The following KCNQ3 variants were observed in gnomAD, a reference collection of about 807,000 sequenced individuals.
KCNQ3 encodes the protein potassium voltage-gated channel subfamily KQT member 3.
A neutral mutation model predicts 92.5 loss-of-function variants in KCNQ3; 30 were observed. The observed-to-expected ratio is 0.32, with a 90% CI of 0.24 to 0.44. The LOEUF is 0.44. KCNQ3 is among the 20% of genes least tolerant of loss of function. The probability of loss-of-function intolerance (pLI) is 1.00; values close to 1 mark genes in which losing one functional copy is unlikely to be tolerated. For missense variants in KCNQ3, 913 were observed against 1,140.3 expected (o/e 0.80, Z 2.87); for synonymous variants, 450 against 468.8 (o/e 0.96, Z 0.52).
chr8:132,400,989 G>GGAT (rs753319245), intron 1 of KCNQ3, among the ~76,000 whole-genome samples: 56 of 152,328 alleles, frequency 3.7e-4, no homozygotes, highest in Admixed American at 7.2e-4. Flanking sequence ...AGAGGCCACA[G>GGAT]CCAGCATTCA....
intron 1 of KCNQ3, among the ~76,000 whole-genome samples, chr8:132,274,472 A>T (rs1394234455): frequency 1.3e-5 from 2 of 152,200 alleles, no homozygotes; most frequent in Admixed American, 1.3e-4. Flanking sequence ...CAGCCAAACC[A>T]TATCAGTTTC....
intron 1 of KCNQ3, among the ~76,000 whole-genome samples, 154 bp downstream of exon 1, chr8:132,479,993 C>CACACACACA (rs1554660743): frequency 6.1e-5 from 9 of 148,538 alleles, no homozygotes; most frequent in South Asian, 2.1e-4. Flanking sequence ...CACACACACA[C>CACACACACA]CCAGGGAAAC....
At chr8:132,394,567 C>G (rs1031112828) in intron 1 of KCNQ3, among the ~76,000 whole-genome samples, 1 of 151,774 alleles carries the variant, frequency 6.6e-6, no homozygotes, top group Non-Finnish European at 1.5e-5. Context: ...CTTGAAGGAC[C>G]TGAGAGAACT....
intron 9 of KCNQ3, among the ~76,000 whole-genome samples, chr8:132,143,824 GGTT>G (rs3837190): frequency 1.3e-5 from 2 of 151,726 alleles, no homozygotes; most frequent in Non-Finnish European, 2.9e-5. Context: ...AGGTTTTTTT[GGTT>G]GTTGTTGTTT....
intron 1 of KCNQ3, among the ~76,000 whole-genome samples, chr8:132,262,386 TTA>T (rs985698976): frequency 6.6e-6 from 1 of 152,172 alleles, no homozygotes; most frequent in African/African-American, 2.4e-5. Flanking sequence ...GGTATGTGAA[TTA>T]TATCTCAATA....
At position 132,442,519 on chromosome 8, in the gene KCNQ3, G is replaced by A. The variant is rs143345469; in HGVS notation, c.386+37628C>T. 2.3e-4 allele frequency among the ~76,000 whole-genome samples: 35 copies of A among 152,272 alleles called. No individual in the cohort carries two copies. The East Asian group carries it at 5.8e-3, about 25-fold the overall frequency. On this transcript the variant is annotated intron_variant, in intron 1 of 14. Coordinates refer to ENST00000388996, the MANE Select transcript of KCNQ3 (RefSeq NM_004519.4). ...AGCACAGAGTCTGGCAACGAGTAAG[G>A]GCTAAAATGTATTTTCAGAATGCAC...
chr8:132,359,578 T>C (rs1033094439), intron 1 of KCNQ3, among the ~76,000 whole-genome samples: 11 of 152,102 alleles, frequency 7.2e-5, no homozygotes, highest in African/African-American at 2.7e-4. Flanking sequence ...ACCAATTGAA[T>C]CTGCTTACAC....
intron 1 of KCNQ3, among the ~76,000 whole-genome samples, chr8:132,361,476 C>A (rs140871648): frequency 6.6e-6 from 1 of 152,150 alleles, no homozygotes; most frequent in Non-Finnish European, 1.5e-5. Flanking sequence ...TGAGGACTTG[C>A]GGTTCATTGT....
At chr8:132,145,788 T>G (rs945791711) in intron 9 of KCNQ3, among the ~76,000 whole-genome samples, 1 of 152,180 alleles carries the variant, frequency 6.6e-6, no homozygotes, top group Non-Finnish European at 1.5e-5. Context: ...GAAGGCATCT[T>G]GAGTAAATGG....
At chr8:132,283,736 T>A (rs1463716567) in intron 1 of KCNQ3, among the ~76,000 whole-genome samples, 1 of 152,228 alleles carries the variant, frequency 6.6e-6, no homozygotes, top group East Asian at 1.9e-4. Context: ...TATACGCATG[T>A]AGAAGGTAAT....
At chr8:132,384,447 G>C (rs1229254706) in intron 1 of KCNQ3, among the ~76,000 whole-genome samples, 1 of 152,190 alleles carries the variant, frequency 6.6e-6, no homozygotes, top group Non-Finnish European at 1.5e-5. Context: ...ACAAACAGAA[G>C]TAAAGAGGTC....
rs922547418 is a variant in KCNQ3 at position 132,123,901 on chromosome 8, A to G, written c.*5361T>C. Reference sequence around the variant, plus strand: ...AGCCTGGGAACAAATCTCCCCAGGGAAGGTTTAAGCAAGCATTAACTCTTT... The same window carrying G: ...AGCCTGGGAACAAATCTCCCCAGGGGAGGTTTAAGCAAGCATTAACTCTTT... On this transcript the variant is annotated 3_prime_UTR_variant, in exon 15 of 15. Transcript: ENST00000388996. 1 of 152,200 alleles carries G rather than the reference A, an allele frequency of 6.6e-6. No individual in the cohort carries two copies. Among genetic ancestry groups the G allele is most frequent in the Non-Finnish European group, 1.5e-5 (1 of 68,040 alleles). 9.4% of individuals were successfully genotyped at this position (152,200 alleles called of 1,614,324 possible). A position where few individuals can be genotyped will look rare whatever the true frequency, so the allele number is the denominator to read the frequency against.
Position 132,303,667 on chromosome 8 carries a change from T to TGTGTGTGTGC in KCNQ3, c.387-117487_387-117486insGCACACACAC, listed in dbSNP as rs1462821316. The stretch of plus-strand genomic sequence containing the variant: ...TATATATATATTTATGGTGTGTGTG[T>TGTGTGTGTGC]ATATATATATACACACACACAGCCA... On this transcript the variant is annotated intron_variant, in intron 1 of 14. Transcript: ENST00000388996. Among the ~76,000 whole-genome samples the TGTGTGTGTGC allele has an allele frequency of 2.7e-4, 3 of 11,266 alleles. No homozygotes were observed. In the South Asian group the frequency reaches 9.5e-3, roughly 36 times the overall value. The allele number at this position is 11,266 out of a possible 152,430, so 7.4% of individuals were successfully genotyped here.
intron 1 of KCNQ3, among the ~76,000 whole-genome samples, chr8:132,310,420 A>T (rs754661573): frequency 2.6e-5 from 4 of 152,196 alleles, no homozygotes; most frequent in Non-Finnish European, 4.4e-5. Flanking sequence ...TCCAGTCTCC[A>T]CGAGGAGTGC....
rs375099145 is a variant in KCNQ3, at chr8:132,403,016, C to CAAAAAAAAAAAAAAA, written c.386+77116_386+77130dup. Among the ~76,000 whole-genome samples, 47 of 67,614 alleles carry CAAAAAAAAAAAAAAA rather than the reference C, an allele frequency of 7.0e-4. 2 individuals are homozygous for CAAAAAAAAAAAAAAA. Among genetic ancestry groups the CAAAAAAAAAAAAAAA allele is most frequent in the African/African-American group, 2.0e-3 (23 of 11,692 alleles). The allele number at this position is 67,614 out of a possible 152,430, so 44.4% of individuals were successfully genotyped here. A position where few individuals can be genotyped will look rare whatever the true frequency, so the allele number is the denominator to read the frequency against. On this transcript the variant is annotated intron_variant, in intron 1 of 14. Coordinates refer to ENST00000388996, the MANE Select transcript of KCNQ3 (RefSeq NM_004519.4). ...CTGGCAACAGGGCGAGGCACCATCA[C>CAAAAAAAAAAAAAAA]AAAAAAAAAAAAAAAAGTGTCAATA...
chr8:132,122,935 G>C lies in KCNQ3; in HGVS notation c.*6327C>G, dbSNP rs1824532705. On this transcript the variant is annotated 3_prime_UTR_variant, in exon 15 of 15. Transcript: ENST00000388996. ...GTTGAGTCCTGTCTGCTTCTTTGTAGCTTTTGGTGAAGGCCCTAGAGTATC... is the reference window on the plus strand; with the variant it reads ...GTTGAGTCCTGTCTGCTTCTTTGTACCTTTTGGTGAAGGCCCTAGAGTATC... 6.6e-6 allele frequency: 1 copy of C among 152,178 alleles called. No homozygotes were observed. The highest frequency in any genetic ancestry group is 2.1e-4 in the South Asian group (1 of 4,830). The allele number at this position is 152,178 out of a possible 1,614,324, so 9.4% of individuals were successfully genotyped here. A position where few individuals can be genotyped will look rare whatever the true frequency, so the allele number is the denominator to read the frequency against.
At chr8:132,350,281 T>A (rs1369386049) in intron 1 of KCNQ3, among the ~76,000 whole-genome samples, 2 of 152,158 alleles carry the variant, frequency 1.3e-5, no homozygotes, top group Admixed American at 1.3e-4. Context: ...TTCAGATTCA[T>A]GGTGGGGAGG....
chr8:132,217,293 T>A (rs901981616), intron 1 of KCNQ3, among the ~76,000 whole-genome samples: 2 of 152,138 alleles, frequency 1.3e-5, no homozygotes, highest in African/African-American at 4.8e-5. Flanking sequence ...ACTTCATTCA[T>A]TCATTCAACA....
chr8:132,288,984 G>GAA (rs1816761374), intron 1 of KCNQ3, among the ~76,000 whole-genome samples: 1 of 152,128 alleles, frequency 6.6e-6, no homozygotes, highest in African/African-American at 2.4e-5. Context: ...AAGTGAAAAG[G>GAA]TAGGAGTTCC....
Sources: allele counts gnomAD v4.1 joint callset (sites outside exome capture counted in the v4.1 genomes callset), GRCh38; gene constraint gnomAD v4.1.1; transcripts MANE v1.5; gene names NCBI Gene and HGNC (gene_info 2026-07-23, HGNC 2026-07-21).